The following ADAD1 variants were observed in gnomAD, a reference collection of about 807,000 sequenced individuals.
ADAD1 encodes the protein adenosine deaminase domain-containing protein 1.
In ADAD1, 46 loss-of-function variants were observed where a neutral mutation model predicts 66.8. The ratio of observed to expected loss-of-function variants is 0.69; its 90% CI spans 0.54 to 0.88. The LOEUF (loss-of-function observed/expected upper bound fraction) is 0.88. ADAD1 is among the 40% of genes least tolerant of loss of function. The pLI is 0.00. For missense variants in ADAD1, 617 were observed against 681.8 expected, an observed-to-expected ratio of 0.91 and a Z score of 1.06; for synonymous variants, 248 against 229.4, an observed-to-expected ratio of 1.08 and a Z score of -0.73.
At chr4:122,410,161 A>C (rs13122023) in intron 8 of ADAD1, among the ~76,000 whole-genome samples, 32,977 of 152,110 alleles carry the variant, frequency 0.22, 3,955 homozygotes, top group Non-Finnish European at 0.28. Flanking sequence ...AAAAAATATA[A>C]ATTTGTGTCT....
At chr4:122,427,914 A>T (rs1367131479) in intron 12 of ADAD1, among the ~76,000 whole-genome samples, 1 of 152,228 alleles carries the variant, frequency 6.6e-6, no homozygotes, top group Non-Finnish European at 1.5e-5. Context: ...CAATAAGGCT[A>T]TAGTAATTAA....
chr4:122,383,545 A>G (rs1261782731), intron 4 of ADAD1, among the ~76,000 whole-genome samples: 1 of 152,200 alleles, frequency 6.6e-6, no homozygotes, highest in Non-Finnish European at 1.5e-5. Flanking sequence ...ACGTGTGATC[A>G]GTACTCTACT....
At chr4:122,407,863 G>T in intron 7 of ADAD1, 45 bp from the exon 8 acceptor site, 1 of 1,599,674 alleles carries the variant, frequency 6.3e-7, no homozygotes, top group Non-Finnish European at 8.5e-7. Context: ...ATGTAGGGAA[G>T]AGAGAGGTTA....
intron 5 of ADAD1, among the ~76,000 whole-genome samples, chr4:122,392,199 G>T (rs1274147897): frequency 6.6e-6 from 1 of 152,018 alleles, no homozygotes; most frequent in African/African-American, 2.4e-5. Flanking sequence ...CTATTACTGG[G>T]TTTATAACCA....
At chr4:122,414,007 A>G (rs1796595562) in intron 10 of ADAD1, among the ~76,000 whole-genome samples, 1 of 150,150 alleles carries the variant, frequency 6.7e-6, no homozygotes, top group Admixed American at 6.6e-5. Flanking sequence ...ATATGGTATA[A>G]TTTTAGATAT....
chr4:122,408,930 C>T (rs1478612308), intron 8 of ADAD1, among the ~76,000 whole-genome samples: 1 of 151,618 alleles, frequency 6.6e-6, no homozygotes, highest in Non-Finnish European at 1.5e-5. Flanking sequence ...ATAAAAATAA[C>T]ACTTTTTTAT....
At chr4:122,386,674 A>G (rs953067859) in intron 5 of ADAD1, among the ~76,000 whole-genome samples, 1 of 152,150 alleles carries the variant, frequency 6.6e-6, no homozygotes, top group African/African-American at 2.4e-5. Flanking sequence ...TTTGGATTTT[A>G]CATTTAAGTC....
chr4:122,391,768 G>A (rs1172948152), intron 5 of ADAD1, among the ~76,000 whole-genome samples: 1 of 152,160 alleles, frequency 6.6e-6, no homozygotes, highest in Non-Finnish European at 1.5e-5. Flanking sequence ...GGAGGGCAAT[G>A]GCGCAGTCTT....
intron 7 of ADAD1, among the ~76,000 whole-genome samples, chr4:122,404,770 A>G (rs148188825): frequency 6.6e-6 from 1 of 152,162 alleles, no homozygotes; most frequent in Non-Finnish European, 1.5e-5. Flanking sequence ...AAGCTATCAG[A>G]TCTAAATGTC....
chr4:122,412,406 A>G (rs1334624157), intron 9 of ADAD1, among the ~76,000 whole-genome samples, 174 bp from the exon 10 acceptor site: 1 of 152,032 alleles, frequency 6.6e-6, no homozygotes, highest in Non-Finnish European at 1.5e-5. Context: ...TTATAGTACT[A>G]TTGTAGAATA....
At chr4:122,402,585 A>G (rs989531270) in intron 7 of ADAD1, among the ~76,000 whole-genome samples, 7 of 152,204 alleles carry the variant, frequency 4.6e-5, no homozygotes, top group South Asian at 2.1e-4. Flanking sequence ...TCCTTCAAAT[A>G]TGTTTTCCAA....
intron 9 of ADAD1, among the ~76,000 whole-genome samples, chr4:122,411,749 G>GA (rs1015452529): frequency 5.3e-5 from 8 of 152,106 alleles, no homozygotes; most frequent in East Asian, 1.9e-4. Context: ...ATTCCAGTGT[G>GA]AAAAAAATAA....
At chr4:122,402,925 G>T (rs1387350607) in intron 7 of ADAD1, among the ~76,000 whole-genome samples, 1 of 151,898 alleles carries the variant, frequency 6.6e-6, no homozygotes, top group Non-Finnish European at 1.5e-5. Context: ...CTTTAAGTTG[G>T]TTTTCACCTT....
intron 5 of ADAD1, 138 bp downstream of exon 5, chr4:122,384,104 C>A: frequency 1.3e-6 from 1 of 795,048 alleles, no homozygotes; most frequent in Non-Finnish European, 1.9e-6. Context: ...ATTTCAGTTG[C>A]TGTCCACTGA....
chr4:122,419,336 C>T (rs1796902225), intron 11 of ADAD1, among the ~76,000 whole-genome samples: 3 of 152,030 alleles, frequency 2.0e-5, no homozygotes, highest in South Asian at 2.1e-4. Flanking sequence ...GATGAGAACA[C>T]GTGGACACAT....
intron 5 of ADAD1, among the ~76,000 whole-genome samples, chr4:122,391,657 C>A (rs1795453342): frequency 6.6e-6 from 1 of 152,204 alleles, no homozygotes; most frequent in African/African-American, 2.4e-5. Flanking sequence ...ACTGCCACAG[C>A]CGGTATGTTG....
At chr4:122,410,162 A>C (rs1796405071) in intron 8 of ADAD1, among the ~76,000 whole-genome samples, 1 of 152,160 alleles carries the variant, frequency 6.6e-6, no homozygotes, top group Non-Finnish European at 1.5e-5. Context: ...AAAAATATAA[A>C]TTTGTGTCTC....
chr4:122,413,415 A>G (rs945282105), intron 10 of ADAD1, among the ~76,000 whole-genome samples: 1 of 152,160 alleles, frequency 6.6e-6, no homozygotes, highest in Non-Finnish European at 1.5e-5. Context: ...AGAACTATTT[A>G]GATAGAGTAA....
At chr4:122,414,220 G>A (rs1796607853) in intron 10 of ADAD1, among the ~76,000 whole-genome samples, 1 of 134,594 alleles carries the variant, frequency 7.4e-6, no homozygotes, top group African/African-American at 2.7e-5. Context: ...ATTTCATGAG[G>A]AATTTGACTT....
Sources: allele counts gnomAD v4.1 joint callset (sites outside exome capture counted in the v4.1 genomes callset), GRCh38; gene constraint gnomAD v4.1.1; transcripts MANE v1.5; gene names NCBI Gene and HGNC (gene_info 2026-07-23, HGNC 2026-07-21).